BCAP29: variants seen among roughly 807,000 people sequenced by gnomAD.
BCAP29 encodes B cell receptor associated protein 29, also known as B-cell receptor-associated protein 29.
In BCAP29, 34 loss-of-function variants were observed where a neutral mutation model predicts 31.8. That is an observed-to-expected ratio of 1.07 (90% CI 0.81 to 1.42). BCAP29 has a LOEUF of 1.42. BCAP29 is among the 40% of genes most tolerant of loss of function. The pLI, the probability that BCAP29 is intolerant of heterozygous loss-of-function variation, is 0.00. For missense variants in BCAP29, 314 were observed against 269.2 expected, an observed-to-expected ratio of 1.17 and a Z score of -1.16; for synonymous variants, 104 against 91.3, an observed-to-expected ratio of 1.14 and a Z score of -0.79.
chr7:107,593,943 G>A lies in BCAP29; in HGVS notation c.194-12G>A. 1 of 1,583,640 alleles carries A rather than the reference G, an allele frequency of 6.3e-7. No individual in the cohort carries two copies. Among genetic ancestry groups the A allele is most frequent in the Non-Finnish European group, 8.5e-7 (1 of 1,170,322 alleles). On this transcript the variant is annotated splice_polypyrimidine_tract_variant and intron_variant, in intron 3 of 7. Transcript: ENST00000005259. The stretch of plus-strand genomic sequence containing the variant: ...AAAGCCAAAAGTACTGTTTTCTTTT[G>A]TTCTGTAATAGATGCTGTGAGAGAA...
intron 3 of BCAP29, among the ~76,000 whole-genome samples, chr7:107,592,288 AT>A (rs1261544742): frequency 2.0e-5 from 3 of 152,248 alleles, no homozygotes; most frequent in African/African-American, 7.2e-5. Context: ...ATCTGAATAG[AT>A]ATTTTTCCAA....
At chr7:107,589,179 G>C (rs1808260036) in intron 3 of BCAP29, among the ~76,000 whole-genome samples, 1 of 152,140 alleles carries the variant, frequency 6.6e-6, no homozygotes, top group South Asian at 2.1e-4. Flanking sequence ...ACCCTTTTTG[G>C]CACCAGGGAC....
intron 1 of BCAP29, 47 bp from the exon 2 acceptor site, chr7:107,580,712 G>A (rs1274980049): frequency 1.4e-5 from 19 of 1,403,782 alleles, no homozygotes; most frequent in Admixed American, 1.9e-5. Flanking sequence ...CTTGAACCCG[G>A]TTTTGTTTGA....
rs114766154 is a variant in BCAP29 at position 107,600,288 on chromosome 7, A to G, written c.481-109A>G. ...TATAAAATTCTGAAAAGGACAAAGA[A>G]TAAATTATAAACAGGTAAGTTTAGA... On this transcript the variant is annotated intron_variant, in intron 5 of 7. Transcript: ENST00000005259. 7.8e-5 allele frequency: 56 copies of G among 720,350 alleles called. No individual in the cohort carries two copies. In the African/African-American group the frequency reaches 8.8e-4, roughly 11 times the overall value. 44.6% of individuals were successfully genotyped at this position (720,350 alleles called of 1,614,324 possible).
At chr7:107,617,027 C>T (rs1309782325) in intron 7 of BCAP29, among the ~76,000 whole-genome samples, 1 of 152,154 alleles carries the variant, frequency 6.6e-6, no homozygotes, top group East Asian at 1.9e-4. Flanking sequence ...GCTCGAGCCA[C>T]CGTGCCCAGC....
chr7:107,617,797 AG>A (rs1814462811), intron 7 of BCAP29, among the ~76,000 whole-genome samples: 1 of 152,204 alleles, frequency 6.6e-6, no homozygotes, highest in Non-Finnish European at 1.5e-5. Flanking sequence ...CCATTTTATG[AG>A]ATATTTTTCA....
intron 3 of BCAP29, among the ~76,000 whole-genome samples, chr7:107,592,001 G>A (rs1808953464): frequency 6.6e-6 from 1 of 151,730 alleles, no homozygotes; most frequent in Admixed American, 6.6e-5. Context: ...TGCGCATGCT[G>A]GTCTCCATCT....
At chr7:107,615,621 C>T (rs951714305) in intron 7 of BCAP29, 1 of 240,714 alleles carries the variant, frequency 4.2e-6, no homozygotes, top group African/African-American at 2.2e-5. Context: ...GATTCCTTCC[C>T]AAGAAAATAG....
At position 107,620,442 on chromosome 7, in the gene BCAP29, T is replaced by C. The variant is rs1351308789; in HGVS notation, c.*2079T>C. On this transcript the variant is annotated 3_prime_UTR_variant, in exon 8 of 8. Coordinates refer to ENST00000005259, the MANE Select transcript of BCAP29 (RefSeq NM_018844.4). ...CTTAATAATGGTGGTGTTTAGCAAA[T>C]TGTATTACATAAATAAATATTTATT... is the stretch of plus-strand genomic sequence containing the variant. 6.6e-6 allele frequency: 1 copy of C among 152,198 alleles called. No individual in the cohort carries two copies. The highest frequency in any genetic ancestry group is 1.5e-5 in the Non-Finnish European group (1 of 68,030). The allele number at this position is 152,198 out of a possible 1,614,324, so 9.4% of individuals were successfully genotyped here.
chr7:107,621,491 A>G (rs1814966932), downstream of BCAP29: 3 of 325,886 alleles, frequency 9.2e-6, no homozygotes. Flanking sequence ...CCCAAAAGAT[A>G]TCCCTATACC....
In BCAP29 at chr7:107,620,020, A is replaced by C. The variant is rs1394131983; in HGVS notation, c.*1657A>C. 4 of 152,236 alleles carry C rather than the reference A, an allele frequency of 2.6e-5. No homozygotes were observed. The East Asian group carries it at 7.7e-4, about 29-fold the overall frequency. 9.4% of individuals were successfully genotyped at this position (152,236 alleles called of 1,614,324 possible). ...ACTAAGATAATACAGTGATTCTCAA[A>C]GTTGTTCAGACTGTATAGTAAGGAG... On this transcript the variant is annotated 3_prime_UTR_variant, in exon 8 of 8. Coordinates refer to ENST00000005259, the MANE Select transcript of BCAP29 (RefSeq NM_018844.4).
intron 3 of BCAP29, among the ~76,000 whole-genome samples, chr7:107,586,383 A>G (rs894803654): frequency 1.3e-5 from 2 of 152,190 alleles, no homozygotes; most frequent in Admixed American, 6.5e-5. Flanking sequence ...ACAAGGGAGA[A>G]TCATGACTGC....
At chr7:107,604,878 A>G (rs1182901697) in intron 6 of BCAP29, among the ~76,000 whole-genome samples, 2 of 151,916 alleles carry the variant, frequency 1.3e-5, no homozygotes, top group African/African-American at 2.4e-5. Context: ...AGTAGGCAAT[A>G]TATAATTAAT....
At chr7:107,611,248 G>A (rs1057271524) in intron 6 of BCAP29, among the ~76,000 whole-genome samples, 26 of 151,982 alleles carry the variant, frequency 1.7e-4, no homozygotes, top group African/African-American at 2.4e-4. Context: ...ACAAGCATTC[G>A]GACCATAACA....
intron 3 of BCAP29, chr7:107,587,955 G>A (rs528666807): frequency 6.6e-6 from 1 of 152,192 alleles, no homozygotes; most frequent in Admixed American, 6.5e-5. Context: ...AAAGCAAGCT[G>A]TAGAATTGAA....
At chr7:107,584,131 C>T (rs1286613439) in intron 3 of BCAP29, 149 bp downstream of exon 3, 8 of 435,864 alleles carry the variant, frequency 1.8e-5, no homozygotes, top group Non-Finnish European at 3.2e-5. Flanking sequence ...TATTGATACA[C>T]AGTTGATAGA....
intron 7 of BCAP29, chr7:107,613,804 C>A: frequency 9.0e-7 from 1 of 1,116,250 alleles, no homozygotes; most frequent in South Asian, 1.3e-5. Context: ...TTCCACATCA[C>A]ACTACTCTTG....
chr7:107,594,885 G>T (rs987726009), intron 4 of BCAP29, among the ~76,000 whole-genome samples: 2 of 152,094 alleles, frequency 1.3e-5, no homozygotes, highest in Non-Finnish European at 2.9e-5. Context: ...TTGTAGGTTT[G>T]CCCAGTCCAT....
At position 107,614,593 on chromosome 7, in the gene BCAP29, T is replaced by C. The variant is rs957903921; in HGVS notation, c.690+1161T>C. Among the ~76,000 whole-genome samples the C allele has an allele frequency of 1.3e-4, 20 of 152,278 alleles. No homozygotes were observed. In the East Asian group the frequency reaches 3.1e-3, roughly 23 times the overall value. Reference sequence around the variant, plus strand: ...GGAATTTTGCTGAAAGAATGACTTATTCTCAACCAACCACTTTGGCCTTGG... The same window carrying C: ...GGAATTTTGCTGAAAGAATGACTTACTCTCAACCAACCACTTTGGCCTTGG... On this transcript the variant is annotated intron_variant, in intron 7 of 7. Transcript: ENST00000005259.
Sources: allele counts gnomAD v4.1 joint callset (sites outside exome capture counted in the v4.1 genomes callset), GRCh38; gene constraint gnomAD v4.1.1; transcripts MANE v1.5; gene names NCBI Gene and HGNC (gene_info 2026-07-23, HGNC 2026-07-21).